DLGAP2: variants seen among roughly 807,000 people sequenced by gnomAD.
DLGAP2 encodes DLG associated protein 2.
A neutral mutation model predicts 100.3 loss-of-function variants in DLGAP2; 26 were observed. The ratio of observed to expected loss-of-function variants is 0.26; its 90% CI spans 0.19 to 0.36. The LOEUF is 0.36. DLGAP2 is among the 10% of genes least tolerant of loss of function. The pLI, the probability that DLGAP2 is intolerant of heterozygous loss-of-function variation, is 1.00. For synonymous variants in DLGAP2, 886 were observed against 630.1 expected, an observed-to-expected ratio of 1.41 and a Z score of -6.08; for missense variants, 1,858 against 1,453.2, an observed-to-expected ratio of 1.28 and a Z score of -4.53.
At chr8:1,677,470 C>A (rs1296622003) in intron 11 of DLGAP2, among the ~76,000 whole-genome samples, 2 of 152,160 alleles carry the variant, frequency 1.3e-5, no homozygotes, top group Non-Finnish European at 1.5e-5. Context: ...TGGGTTCAGC[C>A]TGCAGAGCCA....
At chr8:1,235,617 T>C (rs62486956) in intron 2 of DLGAP2, among the ~76,000 whole-genome samples, 14,142 of 22,840 alleles carry the variant, frequency 0.62, 4,595 homozygotes, top group Middle Eastern at 0.87. Flanking sequence ...GTCTACTTCT[T>C]TCTCACACAT....
At chr8:1,186,370 G>C (rs890421488) in intron 2 of DLGAP2, among the ~76,000 whole-genome samples, 3 of 152,220 alleles carry the variant, frequency 2.0e-5, no homozygotes, top group Non-Finnish European at 4.4e-5. Flanking sequence ...GAATCTGCCA[G>C]CAGCAAAACT....
chr8:844,659 T>G (rs1300535126), intron 1 of DLGAP2, among the ~76,000 whole-genome samples: 1 of 152,236 alleles, frequency 6.6e-6, no homozygotes, highest in Non-Finnish European at 1.5e-5. Context: ...TGGATTAGTT[T>G]TGCTTGTATT....
chr8:1,446,370 T>G (rs955207254), intron 3 of DLGAP2, among the ~76,000 whole-genome samples: 29 of 152,324 alleles, frequency 1.9e-4, no homozygotes, highest in Non-Finnish European at 3.5e-4. Flanking sequence ...ATTGCTTATT[T>G]TTGTCAGGTT....
chr8:1,645,207 C>G (rs1005858403), intron 8 of DLGAP2, among the ~76,000 whole-genome samples: 1 of 152,228 alleles, frequency 6.6e-6, no homozygotes, highest in African/African-American at 2.4e-5. Flanking sequence ...GTTGGACTTA[C>G]AATTTTTTAA....
intron 8 of DLGAP2, among the ~76,000 whole-genome samples, chr8:1,666,495 A>C (rs1585045762): frequency 6.6e-6 from 1 of 152,296 alleles, no homozygotes; most frequent in East Asian, 1.9e-4. Flanking sequence ...AGGCTGGCCC[A>C]CATGGTGAAA....
Position 1,651,974 on chromosome 8 carries a change from C to T in DLGAP2, c.1811-16355C>T, listed in dbSNP as rs75606690. On this transcript the variant is annotated intron_variant, in intron 8 of 14. Transcript: ENST00000637795. The stretch of plus-strand genomic sequence containing the variant: ...AGAGCCGGGCTGGGCAGGCAGCCTG[C>T]CCCAGGCACCTACACAGCTCGTTTC... 7.1e-3 allele frequency among the ~76,000 whole-genome samples: 1,077 copies of T among 152,312 alleles called. 15 individuals carry two copies. Among genetic ancestry groups the T allele is most frequent in the African/African-American group, 0.024 (1,012 of 41,574 alleles).
chr8:1,348,018 C>T (rs1447076747), intron 3 of DLGAP2, among the ~76,000 whole-genome samples: 5 of 151,698 alleles, frequency 3.3e-5, no homozygotes, highest in African/African-American at 9.7e-5. Context: ...GCATTGCACT[C>T]ATGGTAGCTG....
intron 2 of DLGAP2, chr8:1,137,376 C>T (rs771705923): frequency 3.9e-5 from 6 of 152,606 alleles, no homozygotes; most frequent in Non-Finnish European, 7.3e-5. Flanking sequence ...GTCCATAGCA[C>T]CCACCAAACC....
At chr8:892,664 G>A (rs1280842236) in intron 1 of DLGAP2, among the ~76,000 whole-genome samples, 9 of 152,206 alleles carry the variant, frequency 5.9e-5, no homozygotes, top group African/African-American at 1.7e-4. Context: ...TCCCTGTGCT[G>A]GAAGCACAGT....
At chr8:1,618,507 T>C (rs1797229003) in intron 6 of DLGAP2, among the ~76,000 whole-genome samples, 1 of 152,168 alleles carries the variant, frequency 6.6e-6, no homozygotes, top group Non-Finnish European at 1.5e-5. Context: ...AGAATCAATG[T>C]CATTCAAAGC....
chr8:1,095,391 C>T (rs376903721), intron 2 of DLGAP2, among the ~76,000 whole-genome samples: 74 of 152,332 alleles, frequency 4.9e-4, no homozygotes, highest in African/African-American at 1.7e-3. Context: ...ACCCCAAGCT[C>T]ACCCTCGCCC....
At chr8:971,407 C>G (rs570535689) in intron 2 of DLGAP2, among the ~76,000 whole-genome samples, 2 of 152,316 alleles carry the variant, frequency 1.3e-5, no homozygotes, top group Admixed American at 6.5e-5. Context: ...ATTGAGGTCA[C>G]AGGGCACGTG....
chr8:903,801 C>G (rs916749443), intron 1 of DLGAP2, among the ~76,000 whole-genome samples: 1 of 152,200 alleles, frequency 6.6e-6, no homozygotes, highest in African/African-American at 2.4e-5. Context: ...TGGGGGAAAC[C>G]AAGTCGGCAC....
chr8:1,528,868 T>C (rs1021171399), intron 4 of DLGAP2, among the ~76,000 whole-genome samples: 2 of 151,786 alleles, frequency 1.3e-5, no homozygotes, highest in Admixed American at 1.3e-4. Flanking sequence ...CCTAGGTGCT[T>C]CCAGGCAGAA....
intron 3 of DLGAP2, among the ~76,000 whole-genome samples, chr8:1,457,975 CATAT>C (rs57897392): frequency 0.019 from 2,058 of 107,618 alleles, 30 homozygotes; most frequent in East Asian, 0.062. Context: ...GTTCTCTGAT[CATAT>C]ATATATATAT....
chr8:1,606,381 A>G (rs536435021), intron 6 of DLGAP2, among the ~76,000 whole-genome samples: 91 of 152,216 alleles, frequency 6.0e-4, no homozygotes, highest in Non-Finnish European at 9.0e-4. Context: ...TTTACACCAA[A>G]AAGAAACCCT....
intron 3 of DLGAP2, among the ~76,000 whole-genome samples, chr8:1,299,758 C>A (rs926503505): frequency 1.3e-5 from 2 of 152,116 alleles, no homozygotes; most frequent in Admixed American, 6.5e-5. Flanking sequence ...TCTACAATCC[C>A]CCCTGGACTG....
At chr8:1,336,760 T>C (rs1801284523) in intron 3 of DLGAP2, among the ~76,000 whole-genome samples, 1 of 152,200 alleles carries the variant, frequency 6.6e-6, no homozygotes, top group South Asian at 2.1e-4. Context: ...GTGAAAGCAG[T>C]GGGCTCCTCT....
Sources: gnomAD v4.1 joint callset for allele counts (sites outside exome capture counted in the v4.1 genomes callset) on GRCh38, gnomAD v4.1.1 for gene constraint, MANE v1.5 for transcripts, NCBI Gene and HGNC (gene_info 2026-07-23, HGNC 2026-07-21) for gene names.